The following MAPK10 variants were observed in gnomAD, a reference collection of about 807,000 sequenced individuals.
MAPK10 encodes the protein mitogen-activated protein kinase 10.
In MAPK10, 25 loss-of-function variants were observed where a neutral mutation model predicts 59.3. The observed-to-expected ratio is 0.42, with a 90% CI of 0.31 to 0.59. MAPK10 has a LOEUF of 0.59. MAPK10 is among the 20% of genes least tolerant of loss of function. The pLI is 0.15. For synonymous variants in MAPK10, 190 were observed against 200.5 expected, an observed-to-expected ratio of 0.95 and a Z score of 0.44; for missense variants, 351 against 568.9, an observed-to-expected ratio of 0.62 and a Z score of 3.90.
chr4:86,162,082 A>C (rs1157228962), intron 3 of MAPK10, among the ~76,000 whole-genome samples: 2 of 151,926 alleles, frequency 1.3e-5, no homozygotes. Flanking sequence ...TTATTTGCCA[A>C]ATACTAGGTT....
chr4:86,422,715 C>T (rs937751061), intron 1 of MAPK10, among the ~76,000 whole-genome samples: 13 of 152,074 alleles, frequency 8.5e-5, no homozygotes, highest in South Asian at 2.1e-4. Context: ...CAAAACAGAC[C>T]GGCAGGCATA....
intron 11 of MAPK10, among the ~76,000 whole-genome samples, chr4:86,053,606 A>G (rs1328533852): frequency 6.6e-6 from 1 of 152,192 alleles, no homozygotes; most frequent in Non-Finnish European, 1.5e-5. Flanking sequence ...TTTAGTTAAC[A>G]GAACATCTCA....
At chr4:86,124,778 T>A (rs2059807465) in intron 4 of MAPK10, 1 of 152,042 alleles carries the variant, frequency 6.6e-6, no homozygotes. Context: ...CTATTTATAT[T>A]CTATGTGGCA....
chr4:86,185,651 A>C (rs890457930), intron 3 of MAPK10, among the ~76,000 whole-genome samples: 1 of 152,180 alleles, frequency 6.6e-6, no homozygotes, highest in African/African-American at 2.4e-5. Flanking sequence ...AATTTAAGCA[A>C]GAGATAAGGG....
chr4:86,394,057 G>T (rs1248128706), intron 1 of MAPK10, among the ~76,000 whole-genome samples: 2 of 152,128 alleles, frequency 1.3e-5, no homozygotes, highest in African/African-American at 4.8e-5. Flanking sequence ...GATCACCTGA[G>T]GTCAGGAGTT....
chr4:86,490,035 G>A (rs72665712), intron 1 of MAPK10, among the ~76,000 whole-genome samples: 35,701 of 152,036 alleles, frequency 0.23, 5,187 homozygotes, highest in Admixed American at 0.32. Flanking sequence ...CAAAATATTC[G>A]TTTTGCCCAC....
intron 1 of MAPK10, among the ~76,000 whole-genome samples, chr4:86,537,292 G>A (rs375546995): frequency 1.2e-3 from 188 of 152,264 alleles, no homozygotes; most frequent in African/African-American, 4.0e-3. Flanking sequence ...GTGATAGATG[G>A]CAACTATAGG....
At chr4:86,422,481 C>T (rs1221629380) in intron 1 of MAPK10, among the ~76,000 whole-genome samples, 1 of 152,150 alleles carries the variant, frequency 6.6e-6, no homozygotes, top group Non-Finnish European at 1.5e-5. Flanking sequence ...TTCCATTATG[C>T]CAACAAAACA....
chr4:86,547,303 T>C (rs993510108), intron 1 of MAPK10, among the ~76,000 whole-genome samples: 3 of 152,154 alleles, frequency 2.0e-5, no homozygotes, highest in Admixed American at 6.5e-5. Flanking sequence ...TCCCTCAGCT[T>C]GCCAGGAGGT....
At chr4:86,156,850 C>T (rs34641637) in intron 4 of MAPK10, among the ~76,000 whole-genome samples, 3,247 of 152,108 alleles carry the variant, frequency 0.021, 61 homozygotes, top group Non-Finnish European at 0.033. Context: ...TTGCTAAAAA[C>T]TCATCTTGCA....
intron 1 of MAPK10, among the ~76,000 whole-genome samples, chr4:86,355,423 C>T (rs1427869252): frequency 2.0e-5 from 3 of 152,026 alleles, no homozygotes; most frequent in African/African-American, 2.4e-5. Flanking sequence ...TGTCACCTAC[C>T]ATCACTTCAG....
chr4:86,457,180 G>T (rs1444372487), upstream of MAPK10, among the ~76,000 whole-genome samples: 1 of 152,182 alleles, frequency 6.6e-6, no homozygotes, highest in African/African-American at 2.4e-5. Context: ...AGCCATCTAT[G>T]ACAAACCCAC....
At position 86,449,000 on chromosome 4, in the gene MAPK10, G is replaced by A. The variant is rs149637040; in HGVS notation, c.-122+4030C>T. Among the ~76,000 whole-genome samples, 1,427 of 152,134 alleles carry A rather than the reference G, an allele frequency of 9.4e-3. 15 individuals are homozygous for A. The highest frequency in any genetic ancestry group is 0.033 in the African/African-American group (1,350 of 41,504). On this transcript the variant is annotated intron_variant, in intron 1 of 13. Transcript: ENST00000361569. ...TTCCTGCTTCTGAGAATCTAATGCC[G>A]CTGCTGATCTGACAGGAAGCAGAGC...
chr4:86,182,410 C>T (rs1474530852), intron 3 of MAPK10, among the ~76,000 whole-genome samples: 1 of 151,970 alleles, frequency 6.6e-6, no homozygotes, highest in African/African-American at 2.4e-5. Context: ...AATTGAAAAC[C>T]CCATGGACTA....
At chr4:86,155,475 T>C (rs954319829) in intron 4 of MAPK10, among the ~76,000 whole-genome samples, 8 of 151,926 alleles carry the variant, frequency 5.3e-5, no homozygotes, top group Non-Finnish European at 1.2e-4. Context: ...ATATTGGTAT[T>C]ACATATTCAT....
chr4:86,259,681 G>T (rs2093906689), intron 2 of MAPK10, among the ~76,000 whole-genome samples: 2 of 151,942 alleles, frequency 1.3e-5, no homozygotes, highest in African/African-American at 4.8e-5. Context: ...ATCATTAGGT[G>T]ATTAGTGACT....
intron 1 of MAPK10, among the ~76,000 whole-genome samples, chr4:86,465,965 C>T (rs913984262): frequency 6.6e-6 from 1 of 152,150 alleles, no homozygotes; most frequent in Non-Finnish European, 1.5e-5. Flanking sequence ...GCTATGATAG[C>T]GGTGATCACC....
intron 9 of MAPK10, among the ~76,000 whole-genome samples, chr4:86,091,696 C>T (rs1043377348): frequency 6.6e-6 from 1 of 151,208 alleles, no homozygotes; most frequent in East Asian, 1.9e-4. Context: ...TTTCTTTGAG[C>T]CAGTGTCTAG....
chr4:86,424,555 C>T (rs1283011074), intron 1 of MAPK10, among the ~76,000 whole-genome samples: 1 of 152,112 alleles, frequency 6.6e-6, no homozygotes, highest in Non-Finnish European at 1.5e-5. Context: ...TCACACTCTG[C>T]CTAGTCTGTT....
Sources: gnomAD v4.1 joint callset for allele counts (sites outside exome capture counted in the v4.1 genomes callset) on GRCh38, gnomAD v4.1.1 for gene constraint, MANE v1.5 for transcripts, NCBI Gene and HGNC (gene_info 2026-07-23, HGNC 2026-07-21) for gene names.